LRGUK: variants seen among roughly 807,000 people sequenced by gnomAD.
LRGUK encodes leucine-rich repeat and guanylate kinase domain-containing protein.
A neutral mutation model predicts 76.0 loss-of-function variants in LRGUK; 65 were observed. That is an observed-to-expected ratio of 0.85 (90% CI 0.70 to 1.05). The LOEUF is 1.05. Among genes scored for constraint, LRGUK ranks in the 50% least tolerant of loss-of-function variants. The pLI, the probability that LRGUK is intolerant of heterozygous loss-of-function variation, is 0.00. For missense variants in LRGUK, 758 were observed against 732.8 expected, an observed-to-expected ratio of 1.03 and a Z score of -0.40; for synonymous variants, 268 against 265.6, an observed-to-expected ratio of 1.01 and a Z score of -0.09.
At chr7:134,208,336 CATCAAAAACAGCATTG>C (rs1801093722) in intron 15 of LRGUK, among the ~76,000 whole-genome samples, 1 of 152,150 alleles carries the variant, frequency 6.6e-6, no homozygotes, top group Non-Finnish European at 1.5e-5. Flanking sequence ...TAGTTTCTAC[CATCAAAAACAGCATTG>C]ATCTCTAAGT....
chr7:134,250,574 A>G (rs1179301424), intron 18 of LRGUK, among the ~76,000 whole-genome samples: 1 of 152,136 alleles, frequency 6.6e-6, no homozygotes, highest in Non-Finnish European at 1.5e-5. Flanking sequence ...TTTATTTCTG[A>G]GTTTTATTGT....
intron 16 of LRGUK, among the ~76,000 whole-genome samples, chr7:134,237,050 CTTTTTTTT>C (rs10555261): frequency 1.3e-5 from 1 of 75,170 alleles, no homozygotes; most frequent in African/African-American, 4.2e-5. Context: ...TTTTCTCTTT[CTTTTTTTT>C]TTTTTTTTTT....
At chr7:134,253,508 A>C (rs1802496228) in intron 18 of LRGUK, among the ~76,000 whole-genome samples, 1 of 152,204 alleles carries the variant, frequency 6.6e-6, no homozygotes, top group Non-Finnish European at 1.5e-5. Context: ...TATCTATTAA[A>C]AGATATGTTT....
intron 3 of LRGUK, 47 bp from the exon 4 acceptor site, chr7:134,143,015 T>C (rs753244943): frequency 6.9e-6 from 7 of 1,019,208 alleles, no homozygotes; most frequent in Non-Finnish European, 1.1e-5. Context: ...GCCTTTGTCT[T>C]GTTATTTTAT....
chr7:134,209,576 C>G, exon 16 of LRGUK: 1 of 399,176 alleles, frequency 2.5e-6, no homozygotes, highest in East Asian at 3.6e-5. Flanking sequence ...GGTGCTGGCT[C>G]CCCTCCAGAG....
chr7:134,136,892 G>A (rs1797562425), intron 1 of LRGUK, 131 bp from the exon 2 acceptor site: 1 of 654,406 alleles, frequency 1.5e-6, no homozygotes. Context: ...ATTTTTTTGG[G>A]GGTTGGTAAA....
intron 16 of LRGUK, among the ~76,000 whole-genome samples, chr7:134,232,408 A>T (rs1241231533): frequency 6.6e-6 from 1 of 151,858 alleles, no homozygotes; most frequent in Non-Finnish European, 1.5e-5. Context: ...CCTCCTGAGT[A>T]GCTGGGATTA....
chr7:134,209,637 G>A, exon 16 of LRGUK: 1 of 399,050 alleles, frequency 2.5e-6, no homozygotes, highest in Admixed American at 4.4e-5. Flanking sequence ...GAGGCTTTAG[G>A]AACAACCTCC....
intron 9 of LRGUK, among the ~76,000 whole-genome samples, chr7:134,178,175 T>C (rs1799563596): frequency 6.6e-6 from 1 of 152,196 alleles, no homozygotes; most frequent in Non-Finnish European, 1.5e-5. Flanking sequence ...AAAGTAATCA[T>C]GGGCTTTAGA....
In LRGUK at chr7:134,196,983, G is replaced by A. The variant is rs201335402; in HGVS notation, c.1432-9G>A. On this transcript the variant is annotated splice_polypyrimidine_tract_variant and intron_variant, in intron 12 of 15. Coordinates refer to ENST00000645682, the Ensembl canonical transcript of LRGUK. ...TTATATGAAAATCTTTGTTCTTCTC[G>A]AATTCCAGGGGAAATTCATTCTAAC... 8 of 1,474,344 alleles carry A rather than the reference G, an allele frequency of 5.4e-6. No individual in the cohort carries two copies. The highest frequency in any genetic ancestry group is 2.3e-5 in the South Asian group (2 of 85,456). 91.3% of individuals were successfully genotyped at this position (1,474,344 alleles called of 1,614,324 possible). A position where few individuals can be genotyped will look rare whatever the true frequency, so the allele number is the denominator to read the frequency against.
intron 4 of LRGUK, among the ~76,000 whole-genome samples, chr7:134,144,842 A>G (rs1353713460): frequency 6.6e-6 from 1 of 152,132 alleles, no homozygotes; most frequent in African/African-American, 2.4e-5. Context: ...CTAGGTGCCT[A>G]TCTGTACTCA....
rs1242650257 is a variant in LRGUK at position 134,197,125 on chromosome 7, C to T, written c.1545+20C>T. 7.2e-7 allele frequency: 1 copy of T among 1,392,922 alleles called. No homozygotes were observed. The highest frequency in any genetic ancestry group is 1.2e-5 in the South Asian group (1 of 86,062). The allele number at this position is 1,392,922 out of a possible 1,614,324, so 86.3% of individuals were successfully genotyped here. On this transcript the variant is annotated intron_variant, in intron 13 of 15. Coordinates refer to ENST00000645682, the Ensembl canonical transcript of LRGUK. ...ATAGAAGTAAGTGTTTTCATTCAACCAATTAATGTGTGTGTAGTTTGTGTG... is the reference window on the plus strand; with the variant it reads ...ATAGAAGTAAGTGTTTTCATTCAACTAATTAATGTGTGTGTAGTTTGTGTG...
intron 16 of LRGUK, among the ~76,000 whole-genome samples, chr7:134,225,058 G>GA (rs111572160): frequency 0.01 from 572 of 55,334 alleles, 3 homozygotes; most frequent in Non-Finnish European, 0.014. Context: ...ATCTCAAAAA[G>GA]AAAAAAAAAA....
intron 7 of LRGUK, among the ~76,000 whole-genome samples, chr7:134,171,484 T>G (rs2068009675): frequency 6.6e-6 from 1 of 152,034 alleles, no homozygotes; most frequent in Admixed American, 6.5e-5. Context: ...ATATATAAGT[T>G]TTTTTTTAAA....
intron 16 of LRGUK, among the ~76,000 whole-genome samples, chr7:134,244,159 A>G (rs1447278722): frequency 6.6e-6 from 1 of 152,248 alleles, no homozygotes; most frequent in African/African-American, 2.4e-5. Flanking sequence ...CTTCATGACT[A>G]AAACACCAAA....
At chr7:134,210,723 C>G (rs1801228372), downstream of LRGUK, among the ~76,000 whole-genome samples, 1 of 152,200 alleles carries the variant, frequency 6.6e-6, no homozygotes, top group Non-Finnish European at 1.5e-5. Flanking sequence ...AGTGAGCCCC[C>G]AACCCAGCAG....
At chr7:134,152,437 AAG>A (rs940484901) in intron 5 of LRGUK, among the ~76,000 whole-genome samples, 2 of 152,088 alleles carry the variant, frequency 1.3e-5, no homozygotes, top group African/African-American at 4.8e-5. Flanking sequence ...AGATGAGAAA[AAG>A]AATTTTATGG....
intron 5 of LRGUK, among the ~76,000 whole-genome samples, chr7:134,153,598 C>T (rs1201261651): frequency 6.6e-6 from 1 of 152,090 alleles, no homozygotes. Context: ...GAAGAGGAAC[C>T]TGAGACTCCA....
At chr7:134,190,949 G>GGGGATAGACAGTAGTTGAGCGGTAAGCA (rs1800214638) in intron 11 of LRGUK, among the ~76,000 whole-genome samples, 2 of 151,544 alleles carry the variant, frequency 1.3e-5, no homozygotes, top group Admixed American at 1.3e-4. Flanking sequence ...TGAGCGGTGT[G>GGGGATAGACAGTAGTTGAGCGGTAAGCA]GTGGGATGGG....
Sources: gnomAD v4.1 joint callset for allele counts (sites outside exome capture counted in the v4.1 genomes callset) on GRCh38, gnomAD v4.1.1 for gene constraint, MANE v1.5 for transcripts, NCBI Gene and HGNC (gene_info 2026-07-23, HGNC 2026-07-21) for gene names.